Variants in CDC20B observed in about 807,000 individuals in gnomAD.
CDC20B encodes cell division cycle protein 20 homolog B.
CDC20B carries 58 observed loss-of-function variants against 64.1 expected under a neutral mutation model. That is an observed-to-expected ratio of 0.90 (90% CI 0.73 to 1.13). CDC20B has a LOEUF of 1.13. Ranked by LOEUF, CDC20B falls within the 50% of genes most tolerant of loss-of-function variation. CDC20B has a pLI of 0.00. For synonymous variants in CDC20B, 243 were observed against 230.6 expected, an observed-to-expected ratio of 1.05 and a Z score of -0.49; for missense variants, 597 against 633.0, an observed-to-expected ratio of 0.94 and a Z score of 0.61.
At chr5:55,152,398 C>T (rs1320405835) in intron 2 of CDC20B, among the ~76,000 whole-genome samples, 2 of 152,226 alleles carry the variant, frequency 1.3e-5, no homozygotes, top group Admixed American at 1.3e-4. Flanking sequence ...ACACTTAATC[C>T]GTGCCAAGCC....
intron 2 of CDC20B, among the ~76,000 whole-genome samples, chr5:55,156,488 GGCT>G (rs1352110762): frequency 2.1e-4 from 32 of 152,278 alleles, no homozygotes; most frequent in African/African-American, 7.5e-4. Context: ...CTGTGATCTT[GGCT>G]GAGTTAACTG....
chr5:55,158,238 G>C (rs1743869417), intron 2 of CDC20B, among the ~76,000 whole-genome samples: 1 of 152,180 alleles, frequency 6.6e-6, no homozygotes, highest in Admixed American at 6.5e-5. Flanking sequence ...ATCCCACTTA[G>C]AGAGCAAGGC....
rs137951101 is a variant in CDC20B at position 55,146,648 on chromosome 5, T to C, written c.335A>G (p.Glu112Gly). Residue 112 changes from glutamate (E) to glycine (G), a missense_variant, in exon 3 of 12, where the codon GAG (glutamate) becomes GGG (glycine). Transcript: ENST00000381375. ...ASGSVLKTPPEKETLTLGSRK... is the reference protein window; with the variant it reads ...ASGSVLKTPPGKETLTLGSRK... ...CTCACCTAGAGTCAAGGTCTCTTTCTCAGGCGGTGTCTTCAGCACTGATCC... is the reference window on the plus strand; with the variant it reads ...CTCACCTAGAGTCAAGGTCTCTTTCCCAGGCGGTGTCTTCAGCACTGATCC... The C allele has an allele frequency of 1.8e-5, 29 of 1,614,092 alleles. No homozygotes were observed. Among genetic ancestry groups the C allele is most frequent in the Non-Finnish European group, 2.4e-5 (28 of 1,179,966 alleles).
chr5:55,159,511 G>C (rs1743928500), intron 2 of CDC20B, among the ~76,000 whole-genome samples: 1 of 152,176 alleles, frequency 6.6e-6, no homozygotes, highest in Non-Finnish European at 1.5e-5. Flanking sequence ...GTCATGAGTA[G>C]AAATTTGAAA....
At chr5:55,125,559 C>G (rs1335208224) in intron 8 of CDC20B, among the ~76,000 whole-genome samples, 1 of 152,118 alleles carries the variant, frequency 6.6e-6, no homozygotes, top group Admixed American at 6.5e-5. Flanking sequence ...AGTTTAAAAC[C>G]AATTGAATGT....
chr5:55,143,550 T>C lies in CDC20B; in HGVS notation c.449A>G (p.Asp150Gly). 1.9e-6 allele frequency: 3 copies of C among 1,611,022 alleles called. No individual in the cohort carries two copies. The highest frequency in any genetic ancestry group is 2.5e-6 in the Non-Finnish European group (3 of 1,178,252). The change falls in exon 4 of 12, where the codon GAC becomes GGC. Residue 150 changes from aspartate (D) to glycine (G), a missense_variant. Coordinates refer to ENST00000381375, the MANE Select transcript of CDC20B (RefSeq NM_001170402.1). ...GGCAACACTTTCTTTCCAGTCTCTG[T>C]CCATTGCATGAGGTGCCTTGCAAAA... ...LHFCKAPHAM[D>G]RDWKESVASK...
intron 9 of CDC20B, among the ~76,000 whole-genome samples, chr5:55,123,457 G>A (rs765265979): frequency 4.0e-5 from 6 of 151,730 alleles, no homozygotes; most frequent in Admixed American, 3.9e-4. Flanking sequence ...TAAATATTTT[G>A]GCAAAACTAG....
At chr5:55,120,235 C>G (rs1425950655) in intron 10 of CDC20B, among the ~76,000 whole-genome samples, 190 bp downstream of exon 10, 1 of 152,112 alleles carries the variant, frequency 6.6e-6, no homozygotes, top group Non-Finnish European at 1.5e-5. Flanking sequence ...AAAAAGAAAA[C>G]ACAAATTATA....
intron 6 of CDC20B, 79 bp downstream of exon 6, chr5:55,133,333 C>G: frequency 1.5e-6 from 1 of 649,742 alleles, no homozygotes; most frequent in East Asian, 2.8e-5. Flanking sequence ...CTGGTTTAAT[C>G]AAATTTCAAG....
intron 7 of CDC20B, among the ~76,000 whole-genome samples, chr5:55,128,194 T>C (rs1742940119): frequency 6.7e-6 from 1 of 148,386 alleles, no homozygotes; most frequent in Non-Finnish European, 1.5e-5. Flanking sequence ...TATTTTTAAA[T>C]ATGACAGAAA....
chr5:55,149,077 G>C (rs1025988388), intron 2 of CDC20B, among the ~76,000 whole-genome samples: 5 of 152,178 alleles, frequency 3.3e-5, no homozygotes, highest in African/African-American at 1.2e-4. Context: ...AACTGACTAG[G>C]CAAACTAACA....
rs182785967 is a variant in CDC20B at position 55,126,918 on chromosome 5, T to C, written c.989+339A>G. Among the ~76,000 whole-genome samples, 60 of 152,350 alleles carry C rather than the reference T, an allele frequency of 3.9e-4. No individual in the cohort carries two copies. The East Asian group carries it at 0.011, about 28-fold the overall frequency. ...AGCTTAACATATTCCATAGTATAGA[T>C]ACTGACAGCAATAAATACTTGATTT... On this transcript the variant is annotated intron_variant, in intron 8 of 11. Coordinates refer to ENST00000381375, the MANE Select transcript of CDC20B (RefSeq NM_001170402.1).
Position 55,119,855 on chromosome 5 carries a change from T to C in CDC20B, c.1405A>G (p.Asn469Asp), listed in dbSNP as rs1343919582. 6.2e-7 allele frequency: 1 copy of C among 1,614,030 alleles called. No homozygotes were observed. The highest frequency in any genetic ancestry group is 1.7e-5 in the Admixed American group (1 of 60,012). Residue 469 changes from asparagine (N) to aspartate (D), a missense_variant, in exon 11 of 12, where the codon AAT becomes GAT. Transcript: ENST00000381375. ...EIATGQGTPK[N>D]DVTVWTCPTV... ...GGACAGGTCCACACAGTCACATCAT[T>C]CTTGGGAGTACCTTGACCAGTTGCA... is the stretch of plus-strand genomic sequence containing the variant.
At chr5:55,160,906 C>A in intron 2 of CDC20B, 1 of 1,365,008 alleles carries the variant, frequency 7.3e-7, no homozygotes, top group South Asian at 1.5e-5. Context: ...ATAGTCCCCC[C>A]CAAATTGTTT....
chr5:55,138,611 GA>G (rs1049025179), intron 5 of CDC20B, among the ~76,000 whole-genome samples: 8 of 151,612 alleles, frequency 5.3e-5, no homozygotes, highest in African/African-American at 1.7e-4. Context: ...TGGAGGGAGA[GA>G]AAACCAAAGC....
In CDC20B at chr5:55,160,569, T is replaced by A. The variant is rs1743993873; in HGVS notation, c.126+12019A>T. ...ACAGTTCTGATAGTTTGCTTCTAAA[T>A]AATAAATTCCGATTATCTCGTTTTC... On this transcript the variant is annotated intron_variant, in intron 2 of 11. Transcript: ENST00000381375. 13 of 571,546 alleles carry A rather than the reference T, an allele frequency of 2.3e-5. No individual in the cohort carries two copies. In the South Asian group the frequency reaches 3.2e-4, roughly 14 times the overall value. The allele number at this position is 571,546 out of a possible 1,614,324, so 35.4% of individuals were successfully genotyped here.
intron 2 of CDC20B, chr5:55,170,891 G>T (rs1347604874): frequency 9.2e-6 from 3 of 325,492 alleles, no homozygotes; most frequent in Non-Finnish European, 1.9e-5. Context: ...ATCAATATTT[G>T]CTTGAATCTA....
intron 2 of CDC20B, among the ~76,000 whole-genome samples, chr5:55,148,002 T>C (rs986278564): frequency 6.6e-5 from 10 of 152,188 alleles, no homozygotes; most frequent in African/African-American, 2.4e-5. Flanking sequence ...CATGTAGCCA[T>C]GTGAAATTAA....
Position 55,128,614 on chromosome 5 carries a change from A to G in CDC20B, c.701T>C (p.Leu234Pro). ...HITGLRNDYYLNILDWSFQNL... is the reference protein window; with the variant it reads ...HITGLRNDYYPNILDWSFQNL... ...CTGAAAACTCCAATCTAGGATATTC[A>G]GATCTATAAGAAAAGCACTTCAAAT... Residue 234 changes from leucine (L) to proline (P), a missense_variant, in exon 7 of 12, where the codon CTG becomes CCG. Leu to Pro is a moderately conservative substitution (Grantham distance 98, BLOSUM62 -3). Around this residue, in one of 3 missense-constraint regions of CDC20B, gnomAD observed 353 missense variants for 397.0 expected, o/e 0.89. Coordinates refer to ENST00000381375, the MANE Select transcript of CDC20B (RefSeq NM_001170402.1). The G allele has an allele frequency of 6.5e-7, 1 of 1,545,022 alleles. No individual in the cohort carries two copies. Among genetic ancestry groups the G allele is most frequent in the South Asian group, 1.3e-5 (1 of 79,748 alleles).
Sources: allele counts gnomAD v4.1 joint callset (sites outside exome capture counted in the v4.1 genomes callset), GRCh38; gene constraint gnomAD v4.1.1; regional missense constraint gnomAD v4.1.1; transcripts MANE v1.5; gene names NCBI Gene and HGNC (gene_info 2026-07-23, HGNC 2026-07-21).